BCL11A: variants seen among roughly 807,000 people sequenced by gnomAD.
BCL11A encodes BCL11 transcription factor A.
A neutral mutation model predicts 55.9 loss-of-function variants in BCL11A; 2 were observed. The observed-to-expected ratio is 0.04, with a 90% confidence interval of 0.01 to 0.11. The LOEUF (loss-of-function observed/expected upper bound fraction) is 0.11. BCL11A is among the 10% of genes least tolerant of loss of function. The probability of loss-of-function intolerance (pLI) is 1.00; values close to 1 mark genes in which losing one functional copy is unlikely to be tolerated. For missense variants in BCL11A, 817 were observed against 1,137.1 expected (o/e 0.72, Z 4.05); for synonymous variants, 465 against 473.4 (o/e 0.98, Z 0.23).
chr2:60,500,792 A>G (rs1679237133), intron 2 of BCL11A, among the ~76,000 whole-genome samples: 1 of 152,170 alleles, frequency 6.6e-6, no homozygotes, highest in African/African-American at 2.4e-5. Flanking sequence ...GATGAGCTGG[A>G]TCCTTCATCT....
At chr2:60,530,993 A>C (rs563019365) in intron 2 of BCL11A, among the ~76,000 whole-genome samples, 1 of 152,326 alleles carries the variant, frequency 6.6e-6, no homozygotes, top group East Asian at 1.9e-4. Flanking sequence ...TCTGTCTGCT[A>C]AACCAGTCTG....
intron 3 of BCL11A, among the ~76,000 whole-genome samples, chr2:60,467,159 G>GTGGTGGTGA (rs1346417371): frequency 3.9e-5 from 5 of 128,786 alleles, no homozygotes; most frequent in South Asian, 5.0e-4. Flanking sequence ...GGTGGTGGTG[G>GTGGTGGTGA]TGGTGGTGAT....
intron 2 of BCL11A, among the ~76,000 whole-genome samples, chr2:60,495,014 G>C (rs1333704852): frequency 6.6e-6 from 1 of 152,160 alleles, no homozygotes; most frequent in East Asian, 1.9e-4. Flanking sequence ...ATGAAAAATG[G>C]ACAATTATGA....
chr2:60,549,889 G>A, intron 1 of BCL11A: 1 of 152,434 alleles, frequency 6.6e-6, no homozygotes, highest in Non-Finnish European at 1.5e-5. Context: ...CATTTCCCCC[G>A]CAATTCTGGG....
chr2:60,496,644 C>T (rs1459913654), intron 2 of BCL11A: 2 of 152,660 alleles, frequency 1.3e-5, no homozygotes, highest in African/African-American at 4.8e-5. Context: ...TCTCTCCTCA[C>T]CGACTTTCTC....
chr2:60,504,118 G>C (rs1679441208), intron 2 of BCL11A, among the ~76,000 whole-genome samples: 1 of 152,136 alleles, frequency 6.6e-6, no homozygotes. Context: ...ATAGGGCCCT[G>C]GTCTCCTCTT....
intron 2 of BCL11A, among the ~76,000 whole-genome samples, chr2:60,494,504 G>C (rs185151573): frequency 3.8e-4 from 58 of 152,340 alleles, no homozygotes; most frequent in Non-Finnish European, 5.6e-4. Context: ...AGATATCAAA[G>C]GGGACGAAAA....
intron 2 of BCL11A, among the ~76,000 whole-genome samples, chr2:60,502,939 G>C (rs993540952): frequency 6.6e-6 from 1 of 152,228 alleles, no homozygotes; most frequent in Non-Finnish European, 1.5e-5. Flanking sequence ...GCTCCCAGAA[G>C]ACACAGCCAG....
intron 2 of BCL11A, among the ~76,000 whole-genome samples, chr2:60,472,982 CGTGT>C (rs1000447840): frequency 6.6e-6 from 1 of 152,096 alleles, no homozygotes; most frequent in African/African-American, 2.4e-5. Flanking sequence ...CTAAAATGTA[CGTGT>C]GTGTGTGTTT....
chr2:60,514,705 T>C (rs1474719051), intron 2 of BCL11A, among the ~76,000 whole-genome samples: 1 of 150,828 alleles, frequency 6.6e-6, no homozygotes, highest in African/African-American at 2.4e-5. Flanking sequence ...GGGGAGTTTC[T>C]TAGGAAAAAA....
chr2:60,467,942 G>A (rs1676928573), intron 3 of BCL11A, among the ~76,000 whole-genome samples: 1 of 134,068 alleles, frequency 7.5e-6, no homozygotes, highest in South Asian at 2.3e-4. Flanking sequence ...GATGGTGGTG[G>A]TGGTGATGGT....
intron 2 of BCL11A, among the ~76,000 whole-genome samples, chr2:60,516,110 G>A (rs1243132230): frequency 6.6e-6 from 1 of 152,176 alleles, no homozygotes; most frequent in Non-Finnish European, 1.5e-5. Context: ...ATAAGCCTGT[G>A]ATGACTCATG....
chr2:60,500,111 G>A (rs1679196962), intron 2 of BCL11A: 2 of 152,620 alleles, frequency 1.3e-5, no homozygotes, highest in South Asian at 4.1e-4. Context: ...GCCTGCCAGT[G>A]AGATTGCATG....
At chr2:60,539,801 C>T (rs567236379) in intron 2 of BCL11A, among the ~76,000 whole-genome samples, 5 of 152,174 alleles carry the variant, frequency 3.3e-5, no homozygotes, top group East Asian at 1.9e-4. Context: ...TAATATGGTT[C>T]GTGCTCAAAT....
Position 60,546,477 on chromosome 2 carries a change from C to A in BCL11A, c.56-177G>T, listed in dbSNP as rs1398125879. On this transcript the variant is annotated intron_variant, in intron 1 of 3. Transcript: ENST00000642384. The surrounding 1 kb of genome is among the most constrained non-coding windows in gnomAD (Gnocchi z 4.1). ...AGTACAAGGATGTGAAGGTTATCAA[C>A]CAGAGAGCAAATTTGTCAATGAGGC... is the stretch of plus-strand genomic sequence containing the variant. 1.3e-5 allele frequency: 8 copies of A among 613,380 alleles called. No homozygotes were observed. The highest frequency in any genetic ancestry group is 6.1e-5 in the Admixed American group (2 of 32,592). The allele number at this position is 613,380 out of a possible 1,614,324, so 38.0% of individuals were successfully genotyped here.
intron 2 of BCL11A, chr2:60,542,016 G>C: frequency 1.6e-6 from 1 of 644,202 alleles, no homozygotes. Flanking sequence ...ACTTTTAAGA[G>C]CATGCTAATG....
downstream of BCL11A, among the ~76,000 whole-genome samples, chr2:60,456,760 A>T (rs12477846): frequency 0.23 from 34,506 of 152,056 alleles, 6,409 homozygotes; most frequent in East Asian, 0.76. Flanking sequence ...GATTTTTTTT[A>T]AAAAAATCTT....
Position 60,466,983 on chromosome 2 carries a change from A to G in BCL11A, c.487+1749T>C, listed in dbSNP as rs560993748. On this transcript the variant is annotated intron_variant, in intron 3 of 3. Transcript: ENST00000642384. ...ATTATTTTCTAAAACAGTATCTTTCAGAAAACATTTGTATAAATGGACAAA... is the reference window on the plus strand; with the variant it reads ...ATTATTTTCTAAAACAGTATCTTTCGGAAAACATTTGTATAAATGGACAAA... Among the ~76,000 whole-genome samples, 4 of 152,328 alleles carry G rather than the reference A, an allele frequency of 2.6e-5. No individual in the cohort carries two copies. The South Asian group carries it at 8.3e-4, about 32-fold the overall frequency.
At chr2:60,522,945 T>G (rs902288636) in intron 2 of BCL11A, 1 of 152,198 alleles carries the variant, frequency 6.6e-6, no homozygotes, top group Non-Finnish European at 1.5e-5. Flanking sequence ...TTAGAGACAG[T>G]GAGGTCTACA....
Sources: gnomAD v4.1 joint callset for allele counts (sites outside exome capture counted in the v4.1 genomes callset) on GRCh38, gnomAD v4.1.1 for gene constraint, Gnocchi (gnomAD v3.1) non-coding constraint, MANE v1.5 for transcripts, NCBI Gene and HGNC (gene_info 2026-07-23, HGNC 2026-07-21) for gene names.